Variants in PTPRM observed in about 807,000 individuals in gnomAD.
PTPRM encodes the protein protein tyrosine phosphatase receptor type M.
In PTPRM, 47 loss-of-function variants were observed where a neutral mutation model predicts 186.7. That is an observed-to-expected ratio of 0.25 (90% CI 0.20 to 0.32). The LOEUF (loss-of-function observed/expected upper bound fraction) is 0.32. Among genes scored for constraint, PTPRM ranks in the 10% least tolerant of loss-of-function variants. The pLI is 1.00. For synonymous variants in PTPRM, 668 were observed against 674.9 expected, an observed-to-expected ratio of 0.99 and a Z score of 0.16; for missense variants, 1,494 against 1,865.0, an observed-to-expected ratio of 0.80 and a Z score of 3.66.
chr18:7,678,625 T>C (rs2039405441), intron 1 of PTPRM, among the ~76,000 whole-genome samples: 1 of 152,176 alleles, frequency 6.6e-6, no homozygotes. Flanking sequence ...TGTACATACA[T>C]ATGAAGTCCA....
At chr18:7,960,221 A>C (rs2147164400) in intron 7 of PTPRM, among the ~76,000 whole-genome samples, 1 of 152,250 alleles carries the variant, frequency 6.6e-6, no homozygotes, top group Admixed American at 6.5e-5. Flanking sequence ...TAAACAATTA[A>C]GATTGGTGAG....
intron 20 of PTPRM, among the ~76,000 whole-genome samples, chr18:8,297,708 T>C (rs2095111704): frequency 6.6e-6 from 1 of 152,204 alleles, no homozygotes; most frequent in African/African-American, 2.4e-5. Context: ...CAGTGTGTTG[T>C]AGAAAAAGAA....
rs1438566684 is a variant in PTPRM at position 8,314,945 on chromosome 18, A to G, written c.2919+88A>G. On this transcript the variant is annotated intron_variant, in intron 21 of 32. Transcript: ENST00000580170. ...ATATTTTGATACATGTATACAATGCATAATGATTAAATCAGAGTATAAAAC... is the reference window on the plus strand; with the variant it reads ...ATATTTTGATACATGTATACAATGCGTAATGATTAAATCAGAGTATAAAAC... 3 of 802,700 alleles carry G rather than the reference A, an allele frequency of 3.7e-6. No individual in the cohort carries two copies. In the East Asian group the frequency reaches 8.7e-5, roughly 23 times the overall value. The allele number at this position is 802,700 out of a possible 1,614,324, so 49.7% of individuals were successfully genotyped here. A position where few individuals can be genotyped will look rare whatever the true frequency, so the allele number is the denominator to read the frequency against.
At chr18:8,185,441 G>A (rs2146635858) in intron 14 of PTPRM, among the ~76,000 whole-genome samples, 1 of 152,344 alleles carries the variant, frequency 6.6e-6, no homozygotes, top group East Asian at 1.9e-4. Flanking sequence ...ACTAGTAGGA[G>A]TGGGGCTGGG....
At position 8,027,106 on chromosome 18, in the gene PTPRM, TAA is replaced by T. The variant is rs200556564; in HGVS notation, c.1133-42578_1133-42577del. ...ATTCTTCTGTATTGTGTGTATGAAA[TAA>T]AGAGCATTTCCCCAAGTTTGAAAAT... On this transcript the variant is annotated intron_variant, in intron 7 of 32. Transcript: ENST00000580170. Among the ~76,000 whole-genome samples the T allele has an allele frequency of 2.3e-3, 354 of 152,300 alleles. 7 individuals are homozygous for T. The East Asian group carries it at 0.057, about 25-fold the overall frequency.
chr18:8,285,218 G>A lies in PTPRM; in HGVS notation c.2755-11150G>A, dbSNP rs139699830. Among the ~76,000 whole-genome samples, 770 of 152,256 alleles carry A rather than the reference G, an allele frequency of 5.1e-3. 8 individuals are homozygous for A. The highest frequency in any genetic ancestry group is 0.018 in the African/African-American group (732 of 41,564). On this transcript the variant is annotated intron_variant, in intron 19 of 32. Transcript: ENST00000580170. ...AGGTTTTAATACAGAAAGCAATCCT[G>A]TTAAACAATTTAATTATAAAAATTC...
At chr18:8,141,862 A>G (rs12969676) in intron 13 of PTPRM, among the ~76,000 whole-genome samples, 3 of 152,206 alleles carry the variant, frequency 2.0e-5, no homozygotes, top group Non-Finnish European at 4.4e-5. Flanking sequence ...AAATGGAAAA[A>G]CAGACTTTTT....
At chr18:8,065,248 T>C (rs1376365856) in intron 7 of PTPRM, among the ~76,000 whole-genome samples, 1 of 152,208 alleles carries the variant, frequency 6.6e-6, no homozygotes, top group Non-Finnish European at 1.5e-5. Flanking sequence ...CAGTCAGTTT[T>C]TGCCCTTGTT....
chr18:7,757,602 A>G (rs759718438), intron 1 of PTPRM, among the ~76,000 whole-genome samples: 13 of 152,098 alleles, frequency 8.5e-5, no homozygotes, highest in Non-Finnish European at 1.8e-4. Context: ...GAAGCCAAGT[A>G]AAAACACACA....
intron 7 of PTPRM, among the ~76,000 whole-genome samples, chr18:7,992,979 TATA>T (rs768438002): frequency 1.6e-4 from 25 of 152,006 alleles, no homozygotes; most frequent in Middle Eastern, 6.8e-3. Context: ...CAAACAAAGT[TATA>T]ATGAGCATCT....
At chr18:8,023,831 GACACACACACACACACACACAC>G (rs71354587) in intron 7 of PTPRM, among the ~76,000 whole-genome samples, 3 of 110,182 alleles carry the variant, frequency 2.7e-5, no homozygotes, top group African/African-American at 9.3e-5. Context: ...ATTATCAGAA[GACACACACACACACACACACAC>G]ACACACACAC....
chr18:7,831,898 C>A (rs1380588441), intron 2 of PTPRM, among the ~76,000 whole-genome samples: 36 of 152,172 alleles, frequency 2.4e-4, no homozygotes, highest in Non-Finnish European at 1.6e-4. Context: ...CTGTGCCTGA[C>A]TTATTTCACT....
chr18:8,085,446 T>C (rs972142803), intron 9 of PTPRM, among the ~76,000 whole-genome samples: 1 of 152,180 alleles, frequency 6.6e-6, no homozygotes, highest in Non-Finnish European at 1.5e-5. Context: ...ACTCATCCTG[T>C]ATATTCTAAT....
chr18:7,872,347 C>A (rs1462848209), intron 2 of PTPRM, among the ~76,000 whole-genome samples: 1 of 152,192 alleles, frequency 6.6e-6, no homozygotes, highest in Non-Finnish European at 1.5e-5. Flanking sequence ...CCTTAGATTA[C>A]CATTGGTCTA....
chr18:7,678,319 G>A (rs528205634), intron 1 of PTPRM, among the ~76,000 whole-genome samples: 1 of 152,278 alleles, frequency 6.6e-6, no homozygotes, highest in East Asian at 1.9e-4. Context: ...TCCAGCTAAT[G>A]TTTCAAAGCA....
At chr18:7,835,156 TCTTG>T (rs888626017) in intron 2 of PTPRM, among the ~76,000 whole-genome samples, 11 of 151,272 alleles carry the variant, frequency 7.3e-5, no homozygotes, top group Non-Finnish European at 1.6e-4. Flanking sequence ...TTTGGTTTGT[TCTTG>T]CTTTTAAATT....
chr18:8,000,039 G>C (rs1568161625), intron 7 of PTPRM, among the ~76,000 whole-genome samples: 1 of 152,204 alleles, frequency 6.6e-6, no homozygotes, highest in Non-Finnish European at 1.5e-5. Context: ...GAAGCGGTCA[G>C]GCAAGGGGAA....
intron 7 of PTPRM, among the ~76,000 whole-genome samples, chr18:7,984,572 CATATAT>C (rs71354583): frequency 0.012 from 1,063 of 88,654 alleles, 43 homozygotes; most frequent in South Asian, 0.11. Context: ...ATATATGCCC[CATATAT>C]ATATATATAT....
chr18:7,587,227 GA>G (rs1168160664), intron 1 of PTPRM, among the ~76,000 whole-genome samples: 1 of 152,142 alleles, frequency 6.6e-6, no homozygotes, highest in Admixed American at 6.5e-5. Flanking sequence ...GGCTTTCGAT[GA>G]AATAGTTCAT....
Sources: allele counts gnomAD v4.1 joint callset (sites outside exome capture counted in the v4.1 genomes callset), GRCh38; gene constraint gnomAD v4.1.1; transcripts MANE v1.5; gene names NCBI Gene and HGNC (gene_info 2026-07-23, HGNC 2026-07-21).